KAZN: variants seen among roughly 807,000 people sequenced by gnomAD.
The protein encoded by KAZN is kazrin, periplakin interacting protein, also known as kazrin.
A neutral mutation model predicts 87.4 loss-of-function variants in KAZN; 40 were observed. That is an observed-to-expected ratio of 0.46 (90% CI 0.36 to 0.60). The LOEUF is 0.60. KAZN is among the 20% of genes least tolerant of loss of function. The probability of loss-of-function intolerance (pLI) is 0.00; values close to 1 mark genes in which losing one functional copy is unlikely to be tolerated. For synonymous variants in KAZN, 466 were observed against 458.3 expected (o/e 1.02, Z -0.22); for missense variants, 898 against 1,073.9 (o/e 0.84, Z 2.29).
At chr1:14,313,227 GC>G (rs976944280) in intron 2 of KAZN, among the ~76,000 whole-genome samples, 3 of 151,958 alleles carry the variant, frequency 2.0e-5, no homozygotes, top group African/African-American at 7.2e-5. Context: ...CTCTCCACCA[GC>G]CCCCCACCGA....
At chr1:14,064,984 C>T (rs1482793679) in intron 1 of KAZN, among the ~76,000 whole-genome samples, 1 of 152,166 alleles carries the variant, frequency 6.6e-6, no homozygotes, top group Non-Finnish European at 1.5e-5. Context: ...CCTTTAGCCT[C>T]CTGGTCAAGA....
chr1:14,005,999 T>C (rs961163093), intron 1 of KAZN, among the ~76,000 whole-genome samples: 2 of 152,198 alleles, frequency 1.3e-5, no homozygotes, highest in African/African-American at 4.8e-5. Flanking sequence ...GATTGCCTCA[T>C]ATAGGGTTTA....
At chr1:14,124,371 C>A in intron 1 of KAZN, 1 of 152,474 alleles carries the variant, frequency 6.6e-6, no homozygotes, top group Non-Finnish European at 1.5e-5. Context: ...CACCCCCGTC[C>A]CTGCCTAGCC....
chr1:14,388,279 A>G (rs1184771267), intron 2 of KAZN, among the ~76,000 whole-genome samples: 3 of 152,300 alleles, frequency 2.0e-5, no homozygotes, highest in Non-Finnish European at 4.4e-5. Flanking sequence ...TGTCTTCTGC[A>G]TTGCTCACGC....
chr1:14,463,591 G>C (rs1352228962), intron 2 of KAZN, among the ~76,000 whole-genome samples: 2 of 152,142 alleles, frequency 1.3e-5, no homozygotes, highest in Non-Finnish European at 2.9e-5. Context: ...GGCAGCCTGT[G>C]TGTTCTTCCT....
rs559697354 is a variant in KAZN at position 14,827,470 on chromosome 1, G to A, written c.227-133214G>A. Among the ~76,000 whole-genome samples the A allele has an allele frequency of 5.3e-5, 8 of 152,180 alleles. No individual in the cohort carries two copies. In the East Asian group the frequency reaches 5.8e-4, roughly 11 times the overall value. On this transcript the variant is annotated intron_variant, in intron 1 of 14. Coordinates refer to ENST00000376030, the MANE Select transcript of KAZN (RefSeq NM_201628.3). ...ATCATTCTTAGGCCTTTGCGTCCTC[G>A]TAGCTTAGCCTCCACTTATGAGTGA...
At chr1:14,154,969 C>CCTTCCTTT (rs1207437386) in intron 1 of KAZN, among the ~76,000 whole-genome samples, 1 of 150,928 alleles carries the variant, frequency 6.6e-6, no homozygotes, top group Non-Finnish European at 1.5e-5. Context: ...TTCCTTCCTT[C>CCTTCCTTT]CTTCCTTCCT....
intron 1 of KAZN, among the ~76,000 whole-genome samples, chr1:14,933,934 G>A (rs1424261953): frequency 3.3e-5 from 5 of 150,328 alleles, no homozygotes; most frequent in East Asian, 2.0e-4. Flanking sequence ...TGCAAGCTCC[G>A]CCTCCCGGGT....
At chr1:14,192,007 T>G (rs1274829022) in intron 2 of KAZN, among the ~76,000 whole-genome samples, 3 of 152,132 alleles carry the variant, frequency 2.0e-5, no homozygotes, top group Admixed American at 2.0e-4. Context: ...CTAGGCCACC[T>G]TGGGAAATGC....
At chr1:14,943,028 GTGTGTGTGTGTGTGTGTGTGTGTT>G (rs1557644981) in intron 1 of KAZN, among the ~76,000 whole-genome samples, 4 of 140,968 alleles carry the variant, frequency 2.8e-5, no homozygotes, top group African/African-American at 1.2e-4. Context: ...GTGTGTGTGT[GTGTGTGTGTGTGTGTGTGTGTGTT>G]GGGGAGGAGA....
intron 1 of KAZN, among the ~76,000 whole-genome samples, chr1:14,647,376 G>T (rs1680886112): frequency 6.6e-6 from 1 of 152,160 alleles, no homozygotes; most frequent in Non-Finnish European, 1.5e-5. Context: ...AAAGATTGTG[G>T]AGTAGTTCAT....
At chr1:14,137,671 G>C (rs932045982) in intron 1 of KAZN, among the ~76,000 whole-genome samples, 1 of 151,080 alleles carries the variant, frequency 6.6e-6, no homozygotes, top group Admixed American at 6.6e-5. Flanking sequence ...ACAGTATCTG[G>C]TGGTGAGTAA....
At chr1:14,129,894 A>T (rs1173905050) in intron 1 of KAZN, among the ~76,000 whole-genome samples, 2 of 152,204 alleles carry the variant, frequency 1.3e-5, no homozygotes, top group African/African-American at 2.4e-5. Flanking sequence ...TGATGGATGA[A>T]ACTCGTTTGA....
chr1:14,348,955 T>C (rs938072822), intron 2 of KAZN: 13 of 152,292 alleles, frequency 8.5e-5, no homozygotes, highest in African/African-American at 3.1e-4. Flanking sequence ...GGGTTGGTTA[T>C]GCGGAATGGC....
chr1:14,463,526 A>T (rs1463081665), intron 2 of KAZN, among the ~76,000 whole-genome samples: 1 of 152,192 alleles, frequency 6.6e-6, no homozygotes, highest in African/African-American at 2.4e-5. Context: ...GCTGACATAC[A>T]GTAAGCACTC....
At chr1:14,341,235 A>AT (rs57952086) in intron 2 of KAZN, among the ~76,000 whole-genome samples, 30 of 152,054 alleles carry the variant, frequency 2.0e-4, no homozygotes, top group African/African-American at 6.8e-4. Context: ...TTTACCTTTT[A>AT]TTTTTTAAAA....
At chr1:14,475,185 A>G (rs1668654171) in intron 2 of KAZN, among the ~76,000 whole-genome samples, 1 of 152,052 alleles carries the variant, frequency 6.6e-6, no homozygotes, top group South Asian at 2.1e-4. Flanking sequence ...TAGACAAAGG[A>G]AAGATATTGG....
chr1:13,926,157 C>A (rs776490110), intron 1 of KAZN, among the ~76,000 whole-genome samples: 27 of 152,102 alleles, frequency 1.8e-4, no homozygotes, highest in Admixed American at 1.3e-3. Flanking sequence ...AATTCTCTCC[C>A]AAACTGAGTT....
intron 2 of KAZN, among the ~76,000 whole-genome samples, chr1:14,419,526 A>C (rs1357193270): frequency 6.6e-6 from 1 of 152,114 alleles, no homozygotes; most frequent in Admixed American, 6.6e-5. Context: ...CTGTGTGGGG[A>C]AGTGTCCGGA....
Sources: allele counts gnomAD v4.1 joint callset (sites outside exome capture counted in the v4.1 genomes callset), GRCh38; gene constraint gnomAD v4.1.1; transcripts MANE v1.5; gene names NCBI Gene and HGNC (gene_info 2026-07-23, HGNC 2026-07-21).